Variants in IMPG2 observed in about 807,000 individuals in gnomAD.
IMPG2 encodes IPM 200.
A neutral mutation model predicts 129.2 loss-of-function variants in IMPG2; 91 were observed. That is an observed-to-expected ratio of 0.70 (90% confidence interval 0.59 to 0.84). The LOEUF is 0.84. Ranked by LOEUF, IMPG2 falls within the 40% of genes least tolerant of loss-of-function variation. The probability of loss-of-function intolerance (pLI) is 0.00; values close to 1 mark genes in which losing one functional copy is unlikely to be tolerated. For synonymous variants in IMPG2, 510 were observed against 517.7 expected, an observed-to-expected ratio of 0.99 and a Z score of 0.20; for missense variants, 1,430 against 1,461.7, an observed-to-expected ratio of 0.98 and a Z score of 0.35.
chr3:101,274,672 A>G (rs894947737), intron 6 of IMPG2, among the ~76,000 whole-genome samples: 4 of 152,204 alleles, frequency 2.6e-5, no homozygotes, highest in African/African-American at 9.7e-5. Flanking sequence ...TAACGTTCCA[A>G]TTGATTGCAT....
intron 10 of IMPG2, among the ~76,000 whole-genome samples, chr3:101,256,197 G>T (rs1432132539): frequency 2.0e-5 from 3 of 148,496 alleles, no homozygotes; most frequent in Non-Finnish European, 4.5e-5. Flanking sequence ...AAGAAAGAAA[G>T]AAAGAAAGAA....
intron 17 of IMPG2, 60 bp downstream of exon 17, chr3:101,229,320 G>GGGCCCC: frequency 7.7e-6 from 4 of 519,330 alleles, no homozygotes; most frequent in South Asian, 4.4e-5. Flanking sequence ...ACCACCCCCT[G>GGGCCCC]CTCCCCCACA....
intron 9 of IMPG2, among the ~76,000 whole-genome samples, chr3:101,262,770 C>CAA (rs200218148): frequency 0.032 from 4,223 of 130,368 alleles, 105 homozygotes; most frequent in African/African-American, 0.069. Context: ...GAAAGGATAA[C>CAA]AAAAAAAAAA....
chr3:101,315,867 C>A (rs2107145884), intron 2 of IMPG2, among the ~76,000 whole-genome samples: 1 of 151,392 alleles, frequency 6.6e-6, no homozygotes, highest in Non-Finnish European at 1.5e-5. Flanking sequence ...GAGGACTTGA[C>A]TATCTGATTC....
chr3:101,266,682 C>G (rs900891772), intron 9 of IMPG2, among the ~76,000 whole-genome samples: 1 of 152,096 alleles, frequency 6.6e-6, no homozygotes, highest in Non-Finnish European at 1.5e-5. Context: ...AGTCAACAAC[C>G]CAGCCATTGT....
chr3:101,262,252 T>A (rs1706678410), intron 9 of IMPG2, among the ~76,000 whole-genome samples: 1 of 152,040 alleles, frequency 6.6e-6, no homozygotes, highest in South Asian at 2.1e-4. Context: ...CAGATGGATA[T>A]GTTGTTGATT....
chr3:101,268,153 AT>A (rs577499395), intron 8 of IMPG2, among the ~76,000 whole-genome samples: 2 of 152,298 alleles, frequency 1.3e-5, no homozygotes, highest in South Asian at 2.1e-4. Flanking sequence ...TTTCAAAAGC[AT>A]TTTTTTAATA....
In IMPG2 at chr3:101,233,385, T is replaced by C. The variant is rs183923289; in HGVS notation, c.3023-394A>G. Among the ~76,000 whole-genome samples, 972 of 152,280 alleles carry C rather than the reference T, an allele frequency of 6.4e-3. 3 individuals are homozygous for C. The highest frequency in any genetic ancestry group is 0.01 in the Non-Finnish European group (691 of 68,012). Reference sequence around the variant, plus strand: ...TCCACCAACCCCAACCTGCTGCAGTTGACCTCCACTCTACATACACTGCTA... The same window carrying C: ...TCCACCAACCCCAACCTGCTGCAGTCGACCTCCACTCTACATACACTGCTA... On this transcript the variant is annotated intron_variant, in intron 14 of 18. Coordinates refer to ENST00000193391, the MANE Select transcript of IMPG2 (RefSeq NM_016247.4).
intron 6 of IMPG2, 77 bp from the exon 7 acceptor site, chr3:101,273,819 G>A: frequency 7.2e-7 from 1 of 1,385,484 alleles, no homozygotes; most frequent in East Asian, 2.3e-5. Context: ...TTGTTTCAAT[G>A]TGTCAGAACT....
chr3:101,274,499 G>C (rs1485027092), intron 6 of IMPG2, among the ~76,000 whole-genome samples: 1 of 152,116 alleles, frequency 6.6e-6, no homozygotes, highest in Admixed American at 6.5e-5. Context: ...ATTTCTAGAA[G>C]AGTAGATGGG....
At chr3:101,247,097 T>TAAAA (rs11435767) in intron 11 of IMPG2, among the ~76,000 whole-genome samples, 1 of 143,342 alleles carries the variant, frequency 7.0e-6, no homozygotes, top group African/African-American at 2.6e-5. Context: ...CATTGTCTCT[T>TAAAA]AAAAAAAAAA....
intron 17 of IMPG2, 140 bp downstream of exon 17, chr3:101,229,240 T>G (rs1021559918): frequency 1.3e-6 from 1 of 745,012 alleles, no homozygotes; most frequent in East Asian, 2.7e-5. Flanking sequence ...AAAAACCAAT[T>G]ACTAAATATT....
At chr3:101,305,592 T>C (rs1441281265) in intron 2 of IMPG2, among the ~76,000 whole-genome samples, 2 of 152,054 alleles carry the variant, frequency 1.3e-5, no homozygotes, top group African/African-American at 4.8e-5. Context: ...AGGGAATACA[T>C]GGTAACTCTC....
Position 101,245,882 on chromosome 3 carries a change from G to A in IMPG2, c.1463C>T (p.Ser488Phe). ...AGTCTGAAGCACTGCCGGGGTGACAGAATGAAGAGTCAAGCTGCTAACCTC... is the reference window on the plus strand; with the variant it reads ...AGTCTGAAGCACTGCCGGGGTGACAAAATGAAGAGTCAAGCTGCTAACCTC... The part of the protein sequence containing the change: ...VLEVSSLTLH[S>F]VTPAVLQTGL... The change falls in exon 12 of 19, where the codon TCT becomes TTT. Residue 488 changes from serine (S) to phenylalanine (F), a missense_variant. Transcript: ENST00000193391. The A allele has an allele frequency of 6.2e-7, 1 of 1,614,186 alleles. No homozygotes were observed. Among genetic ancestry groups the A allele is most frequent in the East Asian group, 2.2e-5 (1 of 44,874 alleles).
chr3:101,280,618 A>C (rs922261091), intron 4 of IMPG2, among the ~76,000 whole-genome samples: 2 of 152,186 alleles, frequency 1.3e-5, no homozygotes, highest in Admixed American at 6.5e-5. Flanking sequence ...AGTGACATAT[A>C]TCATCCCAAA....
At chr3:101,228,038 G>A (rs889028513) in intron 18 of IMPG2, among the ~76,000 whole-genome samples, 8 of 152,126 alleles carry the variant, frequency 5.3e-5, no homozygotes, top group African/African-American at 7.2e-5. Flanking sequence ...ACACTTCCAC[G>A]AAGGCAACAG....
At chr3:101,304,422 T>G in intron 2 of IMPG2, 110 bp from the exon 3 acceptor site, 1 of 964,756 alleles carries the variant, frequency 1.0e-6, no homozygotes, top group South Asian at 1.4e-5. Flanking sequence ...GTGTCCTTTC[T>G]GGAGGGATGT....
At chr3:101,229,643 G>T in intron 16 of IMPG2, 53 bp from the exon 17 acceptor site, 1 of 1,471,774 alleles carries the variant, frequency 6.8e-7, no homozygotes, top group Non-Finnish European at 9.5e-7. Flanking sequence ...TCAACTATGT[G>T]GAAGACTATT....
intron 2 of IMPG2, among the ~76,000 whole-genome samples, chr3:101,306,402 T>C (rs1020587509): frequency 4.6e-5 from 7 of 152,224 alleles, no homozygotes; most frequent in African/African-American, 1.2e-4. Flanking sequence ...ACTTAATTTG[T>C]CTTTTAGTGA....
Sources: allele counts gnomAD v4.1 joint callset (sites outside exome capture counted in the v4.1 genomes callset), GRCh38; gene constraint gnomAD v4.1.1; transcripts MANE v1.5; gene names NCBI Gene and HGNC (gene_info 2026-07-23, HGNC 2026-07-21).